The following LONP1 variants were observed in gnomAD, a reference collection of about 807,000 sequenced individuals.
LONP1 encodes the protein lon protease homolog, mitochondrial.
A neutral mutation model predicts 98.5 loss-of-function variants in LONP1; 31 were observed. That is an observed-to-expected ratio of 0.31 (90% CI 0.24 to 0.42). LONP1 has a LOEUF of 0.42. Among genes scored for constraint, LONP1 ranks in the 20% least tolerant of loss-of-function variants. The pLI is 1.00. For missense variants in LONP1, 1,336 were observed against 1,350.6 expected (o/e 0.99, Z 0.17); for synonymous variants, 781 against 594.7 (o/e 1.31, Z -4.56).
At position 5,691,976 on chromosome 19, in the gene LONP1, T is replaced by TCAGTTCTGGCCCAGACAGGTCCTGACATC; in HGVS notation, c.*55_*56insGATGTCAGGACCTGTCTGGGCCAGAACTG. The TCAGTTCTGGCCCAGACAGGTCCTGACATC allele has an allele frequency of 6.5e-7, 1 of 1,536,478 alleles. No individual in the cohort carries two copies. The highest frequency in any genetic ancestry group is 8.8e-7 in the Non-Finnish European group (1 of 1,135,662). On this transcript the variant is annotated 3_prime_UTR_variant, in exon 18 of 18. Transcript: ENST00000360614. Reference sequence around the variant, plus strand: ...GGTCCGGGCGCGCTCCCCACAGCGCTCAGTTCTGGCCCAGACAGGGCCTGA... The same window carrying TCAGTTCTGGCCCAGACAGGTCCTGACATC: ...GGTCCGGGCGCGCTCCCCACAGCGCTCAGTTCTGGCCCAGACAGGTCCTGACATCCAGTTCTGGCCCAGACAGGGCCTGA...
intron 6 of LONP1, 59 bp from the exon 7 acceptor site, chr19:5,707,202 C>T: frequency 1.4e-6 from 2 of 1,439,852 alleles, no homozygotes; most frequent in Non-Finnish European, 1.9e-6. Flanking sequence ...GTGTGTAGGG[C>T]CGAGGTTGGG....
At chr19:5,693,180 C>T in intron 17 of LONP1, 118 bp downstream of exon 17, 1 of 1,309,492 alleles carries the variant, frequency 7.6e-7, no homozygotes, top group Non-Finnish European at 1.0e-6. Context: ...AGACCTGCTT[C>T]CAAAGCCCAG....
At position 5,711,809 on chromosome 19, in the gene LONP1, C is replaced by T. The variant is rs768494567; in HGVS notation, c.832G>A (p.Val278Ile). ...GTGACCTGGAAGTCCTCGTGGACAA[C>T]GTTCTCTACCTCCACCATGAGCACC... ...AEVLMVEVEN[V>I]VHEDFQVTEE... The change falls in exon 4 of 18, where the codon GTT becomes ATT. Residue 278 changes from valine to isoleucine, a missense_variant. By Grantham distance (29) the Val-to-Ile change is conservative. This residue lies in a region of LONP1 where 457 missense variants were observed against 403.1 expected (regional missense o/e 1.13). Coordinates refer to ENST00000360614, the MANE Select transcript of LONP1 (RefSeq NM_004793.4). The T allele has an allele frequency of 8.7e-6, 14 of 1,611,908 alleles. No homozygotes were observed. Among genetic ancestry groups the T allele is most frequent in the African/African-American group, 1.3e-5 (1 of 74,918 alleles).
At chr19:5,716,297 T>TATATATATATATATATAC (rs2055322043) in intron 1 of LONP1, among the ~76,000 whole-genome samples, 1 of 120,164 alleles carries the variant, frequency 8.3e-6, no homozygotes, top group Non-Finnish European at 1.8e-5. Flanking sequence ...TATATATATA[T>TATATATATATATATATAC]ATAGTAATGG....
intron 17 of LONP1, among the ~76,000 whole-genome samples, chr19:5,692,432 G>A (rs1160435822): frequency 2.0e-5 from 3 of 152,120 alleles, no homozygotes; most frequent in African/African-American, 7.2e-5. Context: ...AGGAGCCAGG[G>A]CCTCCCCACC....
At chr19:5,708,650 G>A (rs974793211) in intron 4 of LONP1, 3 of 483,770 alleles carry the variant, frequency 6.2e-6, no homozygotes, top group East Asian at 6.2e-5. Flanking sequence ...ACCCCTCAGA[G>A]CCTTGTCCTT....
rs79747498 is a variant in LONP1, at chr19:5,711,764, G to A, written c.870+7C>T. 0.024 allele frequency: 39,075 copies of A among 1,602,706 alleles called. 559 individuals are homozygous for A. Among genetic ancestry groups the A allele is most frequent in the Non-Finnish European group, 0.03 (34,771 of 1,172,606 alleles). On this transcript the variant is annotated splice_region_variant and intron_variant, in intron 4 of 17. Transcript: ENST00000360614. ...CTGTGGCCGCCCTGCGTGACGCACG[G>A]ACTCACTTTCACCTCCTCCGTGACC...
intron 10 of LONP1, among the ~76,000 whole-genome samples, chr19:5,697,608 TG>T (rs2054962185): frequency 3.1e-5 from 1 of 32,596 alleles, no homozygotes; most frequent in South Asian, 1.1e-3. Flanking sequence ...GAGGAGGGGG[TG>T]GGGCAGGTCA....
chr19:5,709,681 G>A (rs944536490), intron 4 of LONP1, among the ~76,000 whole-genome samples: 1 of 151,942 alleles, frequency 6.6e-6, no homozygotes, highest in African/African-American at 2.4e-5. Context: ...ATGCTAAGGC[G>A]GGCGGATCAC....
chr19:5,692,279 C>G, intron 17 of LONP1, 71 bp from the exon 18 acceptor site: 2 of 1,458,226 alleles, frequency 1.4e-6, no homozygotes, highest in Non-Finnish European at 1.9e-6. Flanking sequence ...CCTCCAGGAA[C>G]GAAAGGGCTT....
At chr19:5,720,216 T>G, upstream of LONP1, 1 of 1,383,322 alleles carries the variant, frequency 7.2e-7, no homozygotes, top group South Asian at 1.6e-5. Flanking sequence ...CGTGCCTCGG[T>G]ACCCGATGGG....
At position 5,698,711 on chromosome 19, in the gene LONP1, C is replaced by T. The variant is rs143271712; in HGVS notation, c.1685+316G>A. On this transcript the variant is annotated intron_variant, in intron 10 of 17. Coordinates refer to ENST00000360614, the MANE Select transcript of LONP1 (RefSeq NM_004793.4). ...AGACCAGCATCTGCACGGCAAACGC[C>T]GGCCCTGCAGCTCTGGCCCGGGCAT... 4.3e-4 allele frequency among the ~76,000 whole-genome samples: 65 copies of T among 152,336 alleles called. No individual in the cohort carries two copies. The East Asian group carries it at 8.9e-3, about 21-fold the overall frequency.
chr19:5,693,842 C>A, intron 15 of LONP1, 73 bp from the exon 16 acceptor site: 2 of 1,260,710 alleles, frequency 1.6e-6, no homozygotes, highest in Non-Finnish European at 2.2e-6. Flanking sequence ...CCCCTCGGGG[C>A]CACTCTGACC....
chr19:5,691,862 G>C lies in LONP1; in HGVS notation c.*170C>G. ...TGCAAATGACTTTAATCATTAAATA[G>C]CTTCTATGCCACACTCTGATTAAGC... On this transcript the variant is annotated 3_prime_UTR_variant, in exon 18 of 18. Transcript: ENST00000360614. The C allele has an allele frequency of 1.2e-6, 1 of 814,404 alleles. No individual in the cohort carries two copies. Among genetic ancestry groups the C allele is most frequent in the African/African-American group, 1.7e-5 (1 of 58,386 alleles). The allele number at this position is 814,404 out of a possible 1,614,324, so 50.4% of individuals were successfully genotyped here. A position where few individuals can be genotyped will look rare whatever the true frequency, so the allele number is the denominator to read the frequency against.
rs2054866720 is a variant in LONP1 at position 5,693,423 on chromosome 19, T to C, written c.2578A>G (p.Ile860Val). ...PKDGPSAGCTIVTALLSLAMG... is the reference protein window; with the variant it reads ...PKDGPSAGCTVVTALLSLAMG... ...GCCAGGGACAGCAGGGCCGTGACGA[T>C]GGTGCAGCCTGCGCTTGGGCCGTCC... Residue 860 changes from isoleucine to valine, a missense_variant, in exon 17 of 18, where the codon ATC becomes GTC. This residue lies in a region of LONP1 where 555 missense variants were observed against 542.6 expected (regional missense o/e 1.02). Coordinates refer to ENST00000360614, the MANE Select transcript of LONP1 (RefSeq NM_004793.4). 1 of 1,612,244 alleles carries C rather than the reference T, an allele frequency of 6.2e-7. No homozygotes were observed. Among genetic ancestry groups the C allele is most frequent in the African/African-American group, 1.3e-5 (1 of 74,906 alleles).
intron 9 of LONP1, among the ~76,000 whole-genome samples, chr19:5,699,771 G>A (rs2055008501): frequency 6.6e-6 from 1 of 151,534 alleles, no homozygotes; most frequent in South Asian, 2.1e-4. Context: ...TGTTGGTCAG[G>A]CTGGTCTCGA....
chr19:5,711,039 A>G (rs924082763), intron 4 of LONP1, among the ~76,000 whole-genome samples: 2 of 127,726 alleles, frequency 1.6e-5, no homozygotes, highest in African/African-American at 3.9e-5. Flanking sequence ...AAAAAGAAAG[A>G]AAAAAAAAAA....
intron 4 of LONP1, among the ~76,000 whole-genome samples, chr19:5,711,484 G>C (rs2055235845): frequency 6.6e-6 from 1 of 152,210 alleles, no homozygotes; most frequent in Non-Finnish European, 1.5e-5. Context: ...GGAGGCTTTG[G>C]CACAGGGGAC....
At chr19:5,718,653 C>A (rs922164330) in intron 1 of LONP1, among the ~76,000 whole-genome samples, 1 of 151,828 alleles carries the variant, frequency 6.6e-6, no homozygotes, top group Admixed American at 6.6e-5. Context: ...CTTGCTCTGC[C>A]AGTTAGGAGA....
Sources: allele counts gnomAD v4.1 joint callset (sites outside exome capture counted in the v4.1 genomes callset), GRCh38; gene constraint gnomAD v4.1.1; regional missense constraint gnomAD v4.1.1; transcripts MANE v1.5; gene names NCBI Gene and HGNC (gene_info 2026-07-23, HGNC 2026-07-21).